Variants in MYO18B observed in about 807,000 individuals in gnomAD.
The protein encoded by MYO18B is myosin XVIIIB, also known as unconventional myosin-XVIIIb.
A neutral mutation model predicts 273.0 loss-of-function variants in MYO18B; 204 were observed. That is an observed-to-expected ratio of 0.75 (90% CI 0.67 to 0.84). The LOEUF is 0.84. MYO18B is among the 40% of genes least tolerant of loss of function. MYO18B has a pLI of 0.00. For missense variants in MYO18B, 3,212 were observed against 3,287.6 expected (o/e 0.98, Z 0.56); for synonymous variants, 1,330 against 1,305.7 (o/e 1.02, Z -0.40).
At chr22:26,034,604 C>T (rs1039753760), downstream of MYO18B, among the ~76,000 whole-genome samples, 9 of 152,170 alleles carry the variant, frequency 5.9e-5, no homozygotes, top group African/African-American at 1.9e-4. Context: ...CTATGGCGTC[C>T]CTGCTGATGT....
intron 40 of MYO18B, 73 bp downstream of exon 40, chr22:25,992,566 G>A (rs2093281332): frequency 1.9e-6 from 3 of 1,592,374 alleles, no homozygotes; most frequent in Non-Finnish European, 2.6e-6. Context: ...ATGCCCTTTA[G>A]CCGGGCTGGG....
intron 23 of MYO18B, 37 bp from the exon 24 acceptor site, chr22:25,876,152 G>C: frequency 1.3e-6 from 2 of 1,590,922 alleles, no homozygotes; most frequent in Non-Finnish European, 1.7e-6. Flanking sequence ...ACCTGGGTTG[G>C]AAAGGACCCT....
rs1002665198 is a variant in MYO18B at position 25,768,739 on chromosome 22, G to T, written c.823G>T (p.Glu275Ter). The change falls in exon 4 of 44, where the codon GAG (glutamate) becomes TAG (stop). Residue 275 changes from glutamate to a stop codon, truncating the protein, a stop_gained. Transcript: ENST00000335473. LOFTEE classifies it high-confidence loss of function. ...GTRPQAQGPG[E>*]GVRPGKAEKE... ...CAGGCCCCAAGCCCAAGGGCCCGGC[G>T]AGGGGGTGCGACCAGGGAAAGCAGA... 6.2e-7 allele frequency: 1 copy of T among 1,601,644 alleles called. No individual in the cohort carries two copies. Among genetic ancestry groups the T allele is most frequent in the Non-Finnish European group, 8.5e-7 (1 of 1,174,116 alleles).
intron 34 of MYO18B, among the ~76,000 whole-genome samples, chr22:25,923,415 G>A (rs892739270): frequency 7.2e-5 from 11 of 152,172 alleles, no homozygotes; most frequent in African/African-American, 2.7e-4. Flanking sequence ...GTGCTTGAAC[G>A]CATTGCCCTG....
chr22:25,757,387 G>A (rs2086156740), intron 1 of MYO18B, among the ~76,000 whole-genome samples: 1 of 152,106 alleles, frequency 6.6e-6, no homozygotes, highest in Non-Finnish European at 1.5e-5. Flanking sequence ...CACAAGGTCA[G>A]GAGTTCGAGA....
chr22:25,762,815 T>C (rs575110626), intron 2 of MYO18B, among the ~76,000 whole-genome samples: 45 of 152,392 alleles, frequency 3.0e-4, no homozygotes, highest in African/African-American at 1.1e-3. Context: ...AACTATAAGC[T>C]GAGGGGGACC....
chr22:25,950,738 A>AT (rs2092783561), intron 37 of MYO18B, among the ~76,000 whole-genome samples: 1 of 151,914 alleles, frequency 6.6e-6, no homozygotes, highest in African/African-American at 2.4e-5. Flanking sequence ...TGCCTGGCTA[A>AT]TTTTTGTTTT....
chr22:25,965,925 G>T (rs943525739), intron 39 of MYO18B, among the ~76,000 whole-genome samples: 1 of 152,210 alleles, frequency 6.6e-6, no homozygotes, highest in Non-Finnish European at 1.5e-5. Flanking sequence ...GCGGTTGGCA[G>T]AGTAGAAGGA....
chr22:25,808,809 G>A (rs5752220), intron 12 of MYO18B, among the ~76,000 whole-genome samples: 10,015 of 152,178 alleles, frequency 0.066, 572 homozygotes, highest in East Asian at 0.21. Context: ...TGCCTCCTAG[G>A]GTTCTTGTGA....
At chr22:25,828,173 C>T (rs2089563295) in intron 14 of MYO18B, among the ~76,000 whole-genome samples, 1 of 152,164 alleles carries the variant, frequency 6.6e-6, no homozygotes, top group African/African-American at 2.4e-5. Flanking sequence ...AGCTAGTCAC[C>T]ATCATTAACT....
chr22:25,922,828 G>A (rs534884573), intron 34 of MYO18B, among the ~76,000 whole-genome samples: 1 of 152,348 alleles, frequency 6.6e-6, no homozygotes, highest in South Asian at 2.1e-4. Flanking sequence ...TCTGGTGTCA[G>A]TTTCTATCTG....
At chr22:25,942,700 T>G (rs779739921) in intron 34 of MYO18B, among the ~76,000 whole-genome samples, 1 of 152,124 alleles carries the variant, frequency 6.6e-6, no homozygotes, top group African/African-American at 2.4e-5. Flanking sequence ...GGGGCTGTCA[T>G]GAAGCAAGGC....
rs1170122079 is a variant in MYO18B, at chr22:25,992,369, T to C, written c.6163T>C (p.Tyr2055His). Residue 2055 changes from tyrosine to histidine, a missense_variant, in exon 40 of 44, where the codon TAC becomes CAC. Physicochemically the swap from Tyr to His is moderately conservative, Grantham distance 83 (BLOSUM62 2). Transcript: ENST00000335473. ...ASRRCMELEKYVEELAAVRQT... is the reference protein window; with the variant it reads ...ASRRCMELEKHVEELAAVRQT... Reference sequence around the variant, plus strand: ...TTGCATCTTCTGTCCCCAGGAGAAGTACGTGGAGGAACTTGCAGCAGTGAG... The same window carrying C: ...TTGCATCTTCTGTCCCCAGGAGAAGCACGTGGAGGAACTTGCAGCAGTGAG... 6.2e-7 allele frequency: 1 copy of C among 1,613,762 alleles called. No individual in the cohort carries two copies. Among genetic ancestry groups the C allele is most frequent in the Non-Finnish European group, 8.5e-7 (1 of 1,179,812 alleles).
At chr22:25,747,714 T>C (rs971442831) in intron 1 of MYO18B, among the ~76,000 whole-genome samples, 16 of 152,204 alleles carry the variant, frequency 1.1e-4, no homozygotes, top group Non-Finnish European at 2.2e-4. Flanking sequence ...GCCACTGATA[T>C]GCAAAGCATT....
intron 12 of MYO18B, among the ~76,000 whole-genome samples, chr22:25,813,509 G>A (rs5761249): frequency 0.34 from 52,257 of 151,968 alleles, 9,514 homozygotes; most frequent in African/African-American, 0.47. Context: ...CAAAGTTGAG[G>A]GTGGTCAGCT....
chr22:25,874,226 C>T, intron 22 of MYO18B, 60 bp from the exon 23 acceptor site: 2 of 1,601,526 alleles, frequency 1.2e-6, no homozygotes, highest in South Asian at 1.1e-5. Flanking sequence ...TGCAAGCACC[C>T]CCCCATTGTA....
intron 22 of MYO18B, among the ~76,000 whole-genome samples, chr22:25,873,322 A>G (rs574853299): frequency 8.3e-4 from 126 of 152,294 alleles, no homozygotes; most frequent in Non-Finnish European, 1.2e-3. Context: ...GTTTTCTGCT[A>G]GATCCCTCAG....
At position 25,785,432 on chromosome 22, in the gene MYO18B, G is replaced by A; in HGVS notation, c.2317G>A (p.Glu773Lys). The part of the protein sequence containing the change: ...LAGLDLDLRT[E>K]LNLHQMADSS... ...TGGTTCCTTCTGTGCTTCCAGGACG[G>A]AGCTGAACCTGCACCAGATGGCAGA... Residue 773 changes from glutamate to lysine, a missense_variant, in exon 11 of 44, where the codon GAG (glutamate) becomes AAG (lysine). Physicochemically the swap from Glu to Lys is moderately conservative, Grantham distance 56 (BLOSUM62 1). Transcript: ENST00000335473. 6.2e-7 allele frequency: 1 copy of A among 1,608,808 alleles called. No individual in the cohort carries two copies. Among genetic ancestry groups the A allele is most frequent in the East Asian group, 2.2e-5 (1 of 44,728 alleles).
At chr22:26,047,294 T>A in the MYO18B span, among the ~76,000 whole-genome samples, 1 of 151,926 alleles carries the variant, frequency 6.6e-6, no homozygotes, top group South Asian at 2.1e-4. Context: ...GCCCGGCTAA[T>A]TTGTTGTATT....
Sources: allele counts gnomAD v4.1 joint callset (sites outside exome capture counted in the v4.1 genomes callset), GRCh38; gene constraint gnomAD v4.1.1; transcripts MANE v1.5; gene names NCBI Gene and HGNC (gene_info 2026-07-23, HGNC 2026-07-21).